COL9A1: variants seen among roughly 807,000 people sequenced by gnomAD.
The protein encoded by COL9A1 is collagen type IX alpha 1 chain.
Under a neutral mutation model 142.6 loss-of-function variants are expected in COL9A1, and 104 were observed. The observed-to-expected ratio is 0.73, with a 90% CI of 0.62 to 0.86. The LOEUF (loss-of-function observed/expected upper bound fraction) is 0.86. COL9A1 is among the 40% of genes least tolerant of loss of function. The pLI is 0.00. For synonymous variants in COL9A1, 466 were observed against 396.0 expected (o/e 1.18, Z -2.10); for missense variants, 1,210 against 1,176.6 (o/e 1.03, Z -0.42).
At chr6:70,286,557 GA>G (rs900024410) in intron 5 of COL9A1, among the ~76,000 whole-genome samples, 1 of 152,196 alleles carries the variant, frequency 6.6e-6, no homozygotes, top group Non-Finnish European at 1.5e-5. Context: ...TAATAGGACA[GA>G]TGTTTCATTA....
At chr6:70,280,705 T>TTCTCTC in intron 10 of COL9A1, 107 bp downstream of exon 10, 1 of 1,342,562 alleles carries the variant, frequency 7.4e-7, no homozygotes. Flanking sequence ...CCACAGCGCG[T>TTCTCTC]TCTCTCTCTC....
intron 36 of COL9A1, among the ~76,000 whole-genome samples, chr6:70,231,350 T>C (rs1246148413): frequency 6.6e-6 from 1 of 152,210 alleles, no homozygotes; most frequent in Non-Finnish European, 1.5e-5. Flanking sequence ...AGAGAGCACC[T>C]AAGGCATGAG....
In COL9A1 at chr6:70,255,982, A is replaced by G. The variant is rs567387010; in HGVS notation, c.1504-592T>C. Among the ~76,000 whole-genome samples, 11 of 152,270 alleles carry G rather than the reference A, an allele frequency of 7.2e-5. No homozygotes were observed. In the East Asian group the frequency reaches 1.9e-3, roughly 27 times the overall value. ...CTCAGGTTGGCATTAAACATTCTCC[A>G]TTATGTATCTCTACCTTATCCTTCC... is the stretch of plus-strand genomic sequence containing the variant. On this transcript the variant is annotated intron_variant, in intron 21 of 37. Transcript: ENST00000357250.
At chr6:70,271,933 C>T in intron 13 of COL9A1, 132 bp downstream of exon 13, 1 of 973,586 alleles carries the variant, frequency 1.0e-6, no homozygotes, top group East Asian at 2.6e-5. Context: ...TCCTTAGTAG[C>T]CACCTAAGAT....
At chr6:70,281,313 A>AAC (rs1554245811) in intron 8 of COL9A1, 77 bp downstream of exon 8, 7 of 1,304,806 alleles carry the variant, frequency 5.4e-6, no homozygotes, top group African/African-American at 4.7e-5. Flanking sequence ...AAAAAAAAAA[A>AAC]CCCCACAGGA....
intron 32 of COL9A1, 67 bp downstream of exon 32, chr6:70,240,622 A>C: frequency 4.8e-6 from 5 of 1,043,676 alleles, no homozygotes; most frequent in Non-Finnish European, 7.4e-6. Context: ...TTAGAAGTAT[A>C]TATATATACT....
At chr6:70,219,152 G>T (rs1439884388) in intron 37 of COL9A1, among the ~76,000 whole-genome samples, 1 of 152,120 alleles carries the variant, frequency 6.6e-6, no homozygotes, top group Non-Finnish European at 1.5e-5. Flanking sequence ...TTTTTTTAAG[G>T]TTTAAAAGAT....
chr6:70,283,311 T>G, intron 6 of COL9A1: 2 of 1,257,980 alleles, frequency 1.6e-6, no homozygotes, highest in Non-Finnish European at 2.1e-6. Context: ...CCTTAACCCC[T>G]TCCCTGCCGC....
intron 18 of COL9A1, among the ~76,000 whole-genome samples, chr6:70,264,940 A>G (rs1771918594): frequency 6.6e-6 from 1 of 152,090 alleles, no homozygotes; most frequent in Non-Finnish European, 1.5e-5. Context: ...CCAAGCTCTT[A>G]CCATTCTGTT....
chr6:70,226,080 C>A, intron 36 of COL9A1, 71 bp from the exon 37 acceptor site: 1 of 1,364,084 alleles, frequency 7.3e-7, no homozygotes, highest in South Asian at 1.2e-5. Flanking sequence ...TTTAAACTTT[C>A]AGCAAATCTA....
At chr6:70,220,386 CA>C (rs1482941276) in intron 37 of COL9A1, among the ~76,000 whole-genome samples, 6 of 54,014 alleles carry the variant, frequency 1.1e-4, no homozygotes, top group African/African-American at 4.5e-4. Context: ...AGGGGTGTGG[CA>C]GGGTGTGTGT....
chr6:70,249,118 G>A (rs529326668), intron 28 of COL9A1, among the ~76,000 whole-genome samples: 2 of 144,272 alleles, frequency 1.4e-5, no homozygotes, highest in East Asian at 3.9e-4. Context: ...AAGTAAAACA[G>A]GGAGGTTAAT....
At chr6:70,293,212 A>C (rs1290306111) in intron 5 of COL9A1, among the ~76,000 whole-genome samples, 2 of 152,184 alleles carry the variant, frequency 1.3e-5, no homozygotes, top group Non-Finnish European at 2.9e-5. Flanking sequence ...AGAGAAAGAG[A>C]GGTTGGCCTC....
intron 33 of COL9A1, among the ~76,000 whole-genome samples, chr6:70,237,409 A>G (rs184928078): frequency 1.3e-5 from 2 of 152,366 alleles, no homozygotes; most frequent in Admixed American, 6.5e-5. Flanking sequence ...GCTGAAATCA[A>G]TGAAGAAAGT....
At chr6:70,279,665 A>C (rs918646000) in intron 10 of COL9A1, 1 of 174,846 alleles carries the variant, frequency 5.7e-6, no homozygotes, top group African/African-American at 2.4e-5. Context: ...AAAAAAAAAA[A>C]AAAAACACAT....
At chr6:70,265,941 G>A (rs1771982466) in intron 18 of COL9A1, among the ~76,000 whole-genome samples, 1 of 152,046 alleles carries the variant, frequency 6.6e-6, no homozygotes, top group Non-Finnish European at 1.5e-5. Flanking sequence ...ACCCAATAAA[G>A]GGGTAGAAGG....
intron 11 of COL9A1, 56 bp from the exon 12 acceptor site, chr6:70,274,138 G>T: frequency 7.4e-7 from 1 of 1,350,086 alleles, no homozygotes; most frequent in Non-Finnish European, 1.0e-6. Flanking sequence ...ATATGTAAAT[G>T]TGAAAACTGC....
At chr6:70,242,560 C>G in intron 29 of COL9A1, 102 bp downstream of exon 29, 1 of 1,018,194 alleles carries the variant, frequency 9.8e-7, no homozygotes, top group Non-Finnish European at 1.5e-6. Context: ...CAAGAGAAAT[C>G]AAGTACAGGT....
chr6:70,254,095 C>G lies in COL9A1; in HGVS notation c.1719+381G>C, dbSNP rs200452342. Reference sequence around the variant, plus strand: ...AAATAGTACATAATCTAAGGGGTCACCTGAGTATACTCTCAGCACTCTTGT... The same window carrying G: ...AAATAGTACATAATCTAAGGGGTCAGCTGAGTATACTCTCAGCACTCTTGT... On this transcript the variant is annotated intron_variant, in intron 25 of 37. Transcript: ENST00000357250. Among the ~76,000 whole-genome samples, 4 of 152,250 alleles carry G rather than the reference C, an allele frequency of 2.6e-5. No individual in the cohort carries two copies. The East Asian group carries it at 7.7e-4, about 29-fold the overall frequency.
Sources: gnomAD v4.1 joint callset for allele counts (sites outside exome capture counted in the v4.1 genomes callset) on GRCh38, gnomAD v4.1.1 for gene constraint, MANE v1.5 for transcripts, NCBI Gene and HGNC (gene_info 2026-07-23, HGNC 2026-07-21) for gene names.